Variants in ZNF528 observed in about 807,000 individuals in gnomAD.
ZNF528 encodes the protein zinc finger protein 528.
ZNF528 carries 9 observed loss-of-function variants against 13.3 expected under a neutral mutation model. The observed-to-expected ratio is 0.67, with a 90% CI of 0.41 to 1.18. The LOEUF is 1.18. Ranked by LOEUF, ZNF528 falls within the 50% of genes most tolerant of loss-of-function variation. ZNF528 has a pLI of 0.01. For synonymous variants in ZNF528, 264 were observed against 254.3 expected, an observed-to-expected ratio of 1.04 and a Z score of -0.36; for missense variants, 858 against 745.4, an observed-to-expected ratio of 1.15 and a Z score of -1.76.
At chr19:52,405,205 G>A (rs370946440) in intron 4 of ZNF528, among the ~76,000 whole-genome samples, 17 of 139,122 alleles carry the variant, frequency 1.2e-4, no homozygotes, top group African/African-American at 3.7e-4. Flanking sequence ...CAAAAAGAGC[G>A]AAACACCATC....
intron 6 of ZNF528, chr19:52,412,226 A>T (rs1005827699): frequency 6.6e-6 from 1 of 152,352 alleles, no homozygotes; most frequent in Middle Eastern, 3.4e-3. Context: ...AGCAATAGCT[A>T]AGCAGTATAT....
rs890816023 is a variant in ZNF528, at chr19:52,411,750, C to T, written c.272-3374C>T. On this transcript the variant is annotated intron_variant, in intron 6 of 6. Coordinates refer to ENST00000360465, the MANE Select transcript of ZNF528 (RefSeq NM_032423.3). ...TTAGGGTTTCCTTGTAGGAATTTCC[C>T]TAAACCTTTTCTACTTTCATATCCC... 72 of 152,162 alleles carry T rather than the reference C, an allele frequency of 4.7e-4. 2 individuals are homozygous for T. Among genetic ancestry groups the T allele is most frequent in the Non-Finnish European group, 7.3e-5 (5 of 68,032 alleles). The allele number at this position is 152,162 out of a possible 1,614,324, so 9.4% of individuals were successfully genotyped here.
intron 1 of ZNF528, 108 bp downstream of exon 1, chr19:52,398,012 C>A: frequency 6.6e-6 from 1 of 152,400 alleles, no homozygotes; most frequent in Non-Finnish European, 1.5e-5. Flanking sequence ...ACCGCTCCCT[C>A]CACCCCGAGT....
Position 52,415,201 on chromosome 19 carries a change from C to G in ZNF528, c.349C>G (p.Leu117Val), listed in dbSNP as rs2058984190. The part of the protein sequence containing the change: ...NQLGFTFQLH[L>V]SDLQLFQAER... ...ACTTGGATTCACTTTTCAGTTACAT[C>G]TGAGTGATCTACAGCTATTTCAAGC... The change falls in exon 7 of 7, where the codon CTG (leucine) becomes GTG (valine). Residue 117 changes from leucine to valine, a missense_variant. Leu to Val is a conservative substitution (Grantham distance 32). Coordinates refer to ENST00000360465, the MANE Select transcript of ZNF528 (RefSeq NM_032423.3). 1 of 1,613,800 alleles carries G rather than the reference C, an allele frequency of 6.2e-7. No homozygotes were observed.
At chr19:52,415,019 T>G in intron 6 of ZNF528, 105 bp from the exon 7 acceptor site, 4 of 1,571,592 alleles carry the variant, frequency 2.5e-6, no homozygotes, top group Non-Finnish European at 3.5e-6. Context: ...ACCCTGATAC[T>G]CCTACCAATG....
rs977301426 is a variant in ZNF528 at position 52,416,436 on chromosome 19, G to A, written c.1584G>A (p.Lys528=). The change falls in exon 7 of 7, where the codon AAG becomes AAA. Residue 528 remains lysine (K), a synonymous_variant. Coordinates refer to ENST00000360465, the MANE Select transcript of ZNF528 (RefSeq NM_032423.3). ...EKPYKCNQCG[K]VFNQASYLTR... ...CTTACAAATGTAATCAATGTGGCAA[G>A]GTCTTTAATCAAGCATCATACCTTA... The A allele has an allele frequency of 6.2e-7, 1 of 1,614,130 alleles. No homozygotes were observed. Among genetic ancestry groups the A allele is most frequent in the Non-Finnish European group, 8.5e-7 (1 of 1,180,032 alleles).
intron 4 of ZNF528, among the ~76,000 whole-genome samples, chr19:52,403,681 AGT>A (rs1184060052): frequency 6.6e-6 from 1 of 150,676 alleles, no homozygotes; most frequent in Admixed American, 6.6e-5. Context: ...AAAAAAAAAA[AGT>A]CAGTGAGAGA....
rs532121204 is a variant in ZNF528 at position 52,407,656 on chromosome 19, A to T, written c.271+1013A>T. 1.1e-3 allele frequency among the ~76,000 whole-genome samples: 173 copies of T among 152,040 alleles called. 1 individual carries two copies. The highest frequency in any genetic ancestry group is 2.2e-3 in the Non-Finnish European group (152 of 67,948). On this transcript the variant is annotated intron_variant, in intron 6 of 6. Transcript: ENST00000360465. ...CTGGGTGTAGTGGCAGGTGCCTATA[A>T]TCCCAGCTACTCAGGAGGCTGAGGC...
intron 1 of ZNF528, 171 bp downstream of exon 1, chr19:52,398,075 G>C (rs375322273): frequency 6.6e-6 from 1 of 152,124 alleles, no homozygotes; most frequent in Non-Finnish European, 1.5e-5. Context: ...TGTTAAAATC[G>C]CTTGGAGGCT....
Position 52,401,767 on chromosome 19 carries a change from A to G in ZNF528, c.-68+14A>G, listed in dbSNP as rs2122512184. Reference sequence around the variant, plus strand: ...TCAACAGACGAGGTACCTTAACCACATAATGGTTGATTTCCAAAATTATTA... The same window carrying G: ...TCAACAGACGAGGTACCTTAACCACGTAATGGTTGATTTCCAAAATTATTA... On this transcript the variant is annotated intron_variant, in intron 3 of 6. Coordinates refer to ENST00000360465, the MANE Select transcript of ZNF528 (RefSeq NM_032423.3). 5 of 1,495,506 alleles carry G rather than the reference A, an allele frequency of 3.3e-6. No individual in the cohort carries two copies. Among genetic ancestry groups the G allele is most frequent in the Non-Finnish European group, 3.6e-6 (4 of 1,122,522 alleles). The allele number at this position is 1,495,506 out of a possible 1,614,324, so 92.6% of individuals were successfully genotyped here.
rs781005836 is a variant in ZNF528, at chr19:52,416,552, A to T, written c.1700A>T (p.His567Leu). The change falls in exon 7 of 7, where the codon CAT (histidine) becomes CTT (leucine). Residue 567 changes from histidine to leucine, a missense_variant. Physicochemically the swap from His to Leu is moderately conservative, Grantham distance 99. Transcript: ENST00000360465. The part of the protein sequence containing the change: ...AFRGCSGLTA[H>L]LAIHTEKKSH... The stretch of plus-strand genomic sequence containing the variant: ...CGAGGGTGTTCAGGCCTTACTGCCC[A>T]TCTTGCAATCCATACTGAAAAGAAA... 3 of 1,614,124 alleles carry T rather than the reference A, an allele frequency of 1.9e-6. No homozygotes were observed. The African/African-American group carries it at 4.0e-5, about 22-fold the overall frequency.
chr19:52,401,662 C>CTTTTTTTTTTTTTT, intron 2 of ZNF528, 23 bp from the exon 3 acceptor site: 1 of 906,372 alleles, frequency 1.1e-6, no homozygotes, highest in Non-Finnish European at 1.4e-6. Context: ...TGAAGAATTG[C>CTTTTTTTTTTTTTT]TTTTTTTTTT....
At chr19:52,410,806 G>A (rs2058921937) in intron 6 of ZNF528, among the ~76,000 whole-genome samples, 1 of 152,176 alleles carries the variant, frequency 6.6e-6, no homozygotes, top group South Asian at 2.1e-4. Context: ...GGGGCACAGG[G>A]AATTTAAGGA....
intron 4 of ZNF528, among the ~76,000 whole-genome samples, chr19:52,402,907 T>A (rs1212716739): frequency 6.6e-6 from 1 of 152,246 alleles, no homozygotes; most frequent in South Asian, 2.1e-4. Context: ...GATGTGTGCC[T>A]ATAATTCTAG....
At chr19:52,405,806 C>G in intron 4 of ZNF528, 101 bp from the exon 5 acceptor site, 1 of 1,494,378 alleles carries the variant, frequency 6.7e-7, no homozygotes. Context: ...TTTCACAGTG[C>G]TCACATAAGT....
At chr19:52,415,018 C>A in intron 6 of ZNF528, 106 bp from the exon 7 acceptor site, 1 of 1,569,926 alleles carries the variant, frequency 6.4e-7, no homozygotes, top group Middle Eastern at 1.7e-4. Flanking sequence ...TACCCTGATA[C>A]TCCTACCAAT....
rs148098058 is a variant in ZNF528, at chr19:52,401,004, G to A, written c.-136-681G>A. Among the ~76,000 whole-genome samples, 459 of 152,158 alleles carry A rather than the reference G, an allele frequency of 3.0e-3. 3 individuals carry two copies. Among genetic ancestry groups the A allele is most frequent in the African/African-American group, 0.011 (442 of 41,508 alleles). On this transcript the variant is annotated intron_variant, in intron 2 of 6. Coordinates refer to ENST00000360465, the MANE Select transcript of ZNF528 (RefSeq NM_032423.3). Reference sequence around the variant, plus strand: ...TTCCTCTGCTGCTGTCTCCTGAAGTGTCTTCTCTGAATATGGAAATGTCAC... The same window carrying A: ...TTCCTCTGCTGCTGTCTCCTGAAGTATCTTCTCTGAATATGGAAATGTCAC...
intron 4 of ZNF528, among the ~76,000 whole-genome samples, chr19:52,405,005 CAA>C (rs1277584299): frequency 1.3e-5 from 2 of 151,546 alleles, no homozygotes; most frequent in Non-Finnish European, 2.9e-5. Context: ...ATCAGGAGGT[CAA>C]GAGATCGAGA....
In ZNF528 at chr19:52,416,506, A is replaced by T. The variant is rs1446901597; in HGVS notation, c.1654A>T (p.Ser552Cys). The T allele has an allele frequency of 1.2e-6, 2 of 1,614,194 alleles. No individual in the cohort carries two copies. The change falls in exon 7 of 7, where the codon AGT (serine) becomes TGT (cysteine). Residue 552 changes from serine to cysteine, a missense_variant. Transcript: ENST00000360465. ...TACTGGAGAGAGGCCTTACAGATGT[A>T]GTAAATGTGGCAAAGCATTTCGAGG... ...IHTGERPYRCSKCGKAFRGCS... is the reference protein window; with the variant it reads ...IHTGERPYRCCKCGKAFRGCS...
Sources: gnomAD v4.1 joint callset for allele counts (sites outside exome capture counted in the v4.1 genomes callset) on GRCh38, gnomAD v4.1.1 for gene constraint, MANE v1.5 for transcripts, NCBI Gene and HGNC (gene_info 2026-07-23, HGNC 2026-07-21) for gene names.